Variants in CENPC observed in about 807,000 individuals in gnomAD.
CENPC encodes the protein centromere protein C, also known as CENP-C 1.
Under a neutral mutation model 112.1 loss-of-function variants are expected in CENPC, and 63 were observed. The ratio of observed to expected loss-of-function variants is 0.56; its 90% confidence interval spans 0.46 to 0.69. The LOEUF is 0.69. Ranked by LOEUF, CENPC falls within the 30% of genes least tolerant of loss-of-function variation. The probability of loss-of-function intolerance (pLI) is 0.00; values close to 1 mark genes in which losing one functional copy is unlikely to be tolerated. For missense variants in CENPC, 1,000 were observed against 1,103.8 expected (o/e 0.91, Z 1.33); for synonymous variants, 333 against 367.6 (o/e 0.91, Z 1.08).
intron 16 of CENPC, among the ~76,000 whole-genome samples, chr4:67,491,488 G>T (rs1199948470): frequency 9.7e-4 from 95 of 98,376 alleles, no homozygotes; most frequent in African/African-American, 2.0e-3. Context: ...TATAGAGAGA[G>T]AGAGAGAGAG....
intron 5 of CENPC, among the ~76,000 whole-genome samples, chr4:67,523,115 T>C (rs1172416244): frequency 1.3e-5 from 2 of 151,978 alleles, no homozygotes; most frequent in Non-Finnish European, 2.9e-5. Flanking sequence ...ACTTTAAGAC[T>C]GGCATGGCTA....
At chr4:67,485,441 T>A (rs888019992) in intron 17 of CENPC, among the ~76,000 whole-genome samples, 1 of 146,736 alleles carries the variant, frequency 6.8e-6, no homozygotes, top group African/African-American at 2.5e-5. Context: ...TTAGTTTGTC[T>A]CCTGAAAATT....
chr4:67,496,379 C>A (rs1725432069), intron 12 of CENPC, among the ~76,000 whole-genome samples: 1 of 152,156 alleles, frequency 6.6e-6, no homozygotes. Flanking sequence ...AAAGATAAAT[C>A]AATCACTGTA....
rs1725199872 is a variant in CENPC, at chr4:67,490,093, T to C, written c.2544A>G (p.Gln848=). 6.2e-7 allele frequency: 1 copy of C among 1,608,198 alleles called. No homozygotes were observed. Among genetic ancestry groups the C allele is most frequent in the Non-Finnish European group, 8.5e-7 (1 of 1,177,668 alleles). Residue 848 remains glutamine (Q), a synonymous_variant, in exon 17 of 19, where the codon CAA becomes CAG. Coordinates refer to ENST00000273853, the MANE Select transcript of CENPC (RefSeq NM_001812.4). Reference sequence around the variant, plus strand: ...TCAACTCACCATGCTTAACAAAAAATTGATATGTATCTTGTGGCCTTACAA... The same window carrying C: ...TCAACTCACCATGCTTAACAAAAAACTGATATGTATCTTGTGGCCTTACAA... ...MDLVRPQDTY[Q]FFVKHGELKV... is the part of the protein sequence containing the mutation.
chr4:67,513,990 T>A, intron 8 of CENPC, 84 bp downstream of exon 8: 2 of 1,327,198 alleles, frequency 1.5e-6, no homozygotes, highest in East Asian at 5.0e-5. Flanking sequence ...TTACTTTGCC[T>A]ACTTGCCAAA....
intron 12 of CENPC, among the ~76,000 whole-genome samples, chr4:67,496,422 G>A (rs774264139): frequency 3.3e-5 from 5 of 152,126 alleles, no homozygotes; most frequent in Non-Finnish European, 7.3e-5. Context: ...GGTTGGTTAC[G>A]CAGCAATATA....
intron 18 of CENPC, 46 bp downstream of exon 18, chr4:67,474,841 CA>C: frequency 1.7e-6 from 2 of 1,169,374 alleles, no homozygotes; most frequent in Non-Finnish European, 1.2e-6. Flanking sequence ...CCATAGTGCC[CA>C]AAAACAACTA....
At chr4:67,500,452 T>C (rs889105344) in intron 12 of CENPC, among the ~76,000 whole-genome samples, 2 of 152,184 alleles carry the variant, frequency 1.3e-5, no homozygotes, top group Non-Finnish European at 2.9e-5. Flanking sequence ...AGTGCCCAAA[T>C]CTTGGTTTCT....
At chr4:67,512,918 T>A (rs1725937611) in intron 8 of CENPC, among the ~76,000 whole-genome samples, 1 of 152,144 alleles carries the variant, frequency 6.6e-6, no homozygotes, top group South Asian at 2.1e-4. Flanking sequence ...GAAATAATGA[T>A]TTTTTTCAAC....
intron 7 of CENPC, among the ~76,000 whole-genome samples, chr4:67,517,497 T>C (rs1726091459): frequency 6.6e-6 from 1 of 151,788 alleles, no homozygotes; most frequent in Non-Finnish European, 1.5e-5. Context: ...AGCACTCTGA[T>C]ACCTATGATA....
intron 17 of CENPC, among the ~76,000 whole-genome samples, chr4:67,476,852 C>A (rs115692208): frequency 0.02 from 2,971 of 152,252 alleles, 105 homozygotes; most frequent in African/African-American, 0.068. Context: ...GTGAGACTGG[C>A]CTAGCCTGGC....
At chr4:67,525,593 G>A (rs1371244355) in intron 5 of CENPC, among the ~76,000 whole-genome samples, 2 of 152,158 alleles carry the variant, frequency 1.3e-5, no homozygotes, top group Non-Finnish European at 2.9e-5. Context: ...CTGGTCATTA[G>A]AGGAATGCAA....
intron 4 of CENPC, among the ~76,000 whole-genome samples, chr4:67,533,711 A>G (rs1726626727): frequency 6.6e-6 from 1 of 152,186 alleles, no homozygotes; most frequent in African/African-American, 2.4e-5. Flanking sequence ...GGAGAAACCT[A>G]TAAAGATTAG....
At chr4:67,495,467 T>C (rs1206408459) in intron 12 of CENPC, among the ~76,000 whole-genome samples, 1 of 152,226 alleles carries the variant, frequency 6.6e-6, no homozygotes, top group Non-Finnish European at 1.5e-5. Context: ...TGTTTTGTTT[T>C]GTTTTAGACC....
At chr4:67,500,100 A>G (rs2109787313) in intron 12 of CENPC, among the ~76,000 whole-genome samples, 1 of 152,244 alleles carries the variant, frequency 6.6e-6, no homozygotes, top group African/African-American at 2.4e-5. Context: ...CATAGTAATG[A>G]AAAAGTTTGA....
At chr4:67,497,780 C>T (rs1307126182) in intron 12 of CENPC, among the ~76,000 whole-genome samples, 2 of 123,666 alleles carry the variant, frequency 1.6e-5, no homozygotes, top group Admixed American at 9.4e-5. Flanking sequence ...TGACCGGCCT[C>T]GCCTCCCAAA....
At chr4:67,493,032 G>A (rs914005624) in intron 14 of CENPC, 35 bp from the exon 15 acceptor site, 9 of 1,470,142 alleles carry the variant, frequency 6.1e-6, no homozygotes, top group Admixed American at 6.0e-5. Context: ...ATATACATGG[G>A]AAAGACAAAA....
At chr4:67,493,748 T>A (rs1725350147) in intron 14 of CENPC, 136 bp downstream of exon 14, 2 of 574,832 alleles carry the variant, frequency 3.5e-6, no homozygotes, top group East Asian at 5.9e-5. Flanking sequence ...CAGACAAAAA[T>A]GAATTTAAAT....
intron 10 of CENPC, among the ~76,000 whole-genome samples, chr4:67,508,498 G>A (rs903098480): frequency 2.7e-5 from 3 of 112,504 alleles, no homozygotes; most frequent in African/African-American, 1.0e-4. Context: ...GGAAACAGAG[G>A]AAGACTCTGT....
Sources: gnomAD v4.1 joint callset for allele counts (sites outside exome capture counted in the v4.1 genomes callset) on GRCh38, gnomAD v4.1.1 for gene constraint, MANE v1.5 for transcripts, NCBI Gene and HGNC (gene_info 2026-07-23, HGNC 2026-07-21) for gene names.